The following CACNA2D1 variants were observed in gnomAD, a reference collection of about 807,000 sequenced individuals.
CACNA2D1 encodes the protein voltage-dependent calcium channel subunit alpha-2/delta-1.
CACNA2D1 carries 53 observed loss-of-function variants against 171.5 expected under a neutral mutation model. The ratio of observed to expected loss-of-function variants is 0.31; its 90% CI spans 0.25 to 0.39. The LOEUF (loss-of-function observed/expected upper bound fraction) is 0.39, where lower values mean the gene tolerates loss of function less well. Among genes scored for constraint, CACNA2D1 ranks in the 10% least tolerant of loss-of-function variants. The pLI is 1.00. For missense variants in CACNA2D1, 903 were observed against 1,299.8 expected (o/e 0.69, Z 4.69); for synonymous variants, 442 against 443.1 (o/e 1.00, Z 0.03).
At position 82,116,804 on chromosome 7, in the gene CACNA2D1, A is replaced by G. The variant is rs181754633; in HGVS notation, c.526+240T>C. The stretch of plus-strand genomic sequence containing the variant: ...AGAATTATTTACCAAACATTAAGTT[A>G]GAAGGACCACTCCATGGATGCAGGC... On this transcript the variant is annotated intron_variant, in intron 6 of 38. Coordinates refer to ENST00000356860, the MANE Select transcript of CACNA2D1 (RefSeq NM_000722.4). Among the ~76,000 whole-genome samples the G allele has an allele frequency of 2.5e-3, 379 of 152,352 alleles. 5 individuals are homozygous for G. The South Asian group carries it at 0.028, about 11-fold the overall frequency.
At chr7:81,994,568 A>G (rs983131330) in intron 20 of CACNA2D1, among the ~76,000 whole-genome samples, 4 of 152,110 alleles carry the variant, frequency 2.6e-5, no homozygotes, top group African/African-American at 9.6e-5. Context: ...TATATTGTGT[A>G]TTCTATTTCT....
chr7:82,424,824 A>G (rs895392003), intron 1 of CACNA2D1, among the ~76,000 whole-genome samples: 1 of 152,242 alleles, frequency 6.6e-6, no homozygotes, highest in Non-Finnish European at 1.5e-5. Context: ...TGAAGGCAAA[A>G]GAGTGATGGG....
At chr7:82,208,334 T>G (rs1005065348) in intron 3 of CACNA2D1, among the ~76,000 whole-genome samples, 1 of 152,186 alleles carries the variant, frequency 6.6e-6, no homozygotes, top group Non-Finnish European at 1.5e-5. Context: ...CGACTTGATA[T>G]CATTAATAGT....
intron 4 of CACNA2D1, among the ~76,000 whole-genome samples, chr7:82,137,719 A>AAAAAAAC (rs1791821998): frequency 6.8e-6 from 1 of 147,188 alleles, no homozygotes; most frequent in Non-Finnish European, 1.5e-5. Flanking sequence ...AAAAAAAAAA[A>AAAAAAAC]AAAAAAAAAA....
rs1252527272 is a variant in CACNA2D1 at position 81,971,882 on chromosome 7, C to A, written c.2054-18G>T. 1.4e-6 allele frequency: 2 copies of A among 1,424,292 alleles called. No individual in the cohort carries two copies. The highest frequency in any genetic ancestry group is 1.7e-5 in the Admixed American group (1 of 59,478). 88.2% of individuals were successfully genotyped at this position (1,424,292 alleles called of 1,614,324 possible). A position where few individuals can be genotyped will look rare whatever the true frequency, so the allele number is the denominator to read the frequency against. On this transcript the variant is annotated intron_variant, in intron 25 of 38. Coordinates refer to ENST00000356860, the MANE Select transcript of CACNA2D1 (RefSeq NM_000722.4). ...CGCGTTACCTAACACAGAAAAAGAT[C>A]ATCAGTTACACTCACATTTCTAAAA...
rs183147335 is a variant in CACNA2D1 at position 82,196,166 on chromosome 7, A to C, written c.295-25557T>G. The stretch of plus-strand genomic sequence containing the variant: ...TAGCTTCAAAGTAGAAGATTAGCTA[A>C]GGTTAGAACTAGATTTTGGAACCAT... On this transcript the variant is annotated intron_variant, in intron 3 of 38. Transcript: ENST00000356860. Among the ~76,000 whole-genome samples the C allele has an allele frequency of 1.5e-3, 226 of 152,198 alleles. 3 individuals are homozygous for C. The highest frequency in any genetic ancestry group is 5.2e-3 in the African/African-American group (217 of 41,556).
intron 3 of CACNA2D1, among the ~76,000 whole-genome samples, chr7:82,321,337 T>G (rs865813362): frequency 2.0e-5 from 3 of 152,004 alleles, no homozygotes; most frequent in African/African-American, 7.3e-5. Flanking sequence ...AGGTGGAGGT[T>G]GCAGTGGGCC....
At chr7:82,252,709 G>A (rs1805799166) in intron 3 of CACNA2D1, among the ~76,000 whole-genome samples, 1 of 152,062 alleles carries the variant, frequency 6.6e-6, no homozygotes. Flanking sequence ...GGCCAACATG[G>A]TGAAACCCTG....
intron 1 of CACNA2D1, among the ~76,000 whole-genome samples, chr7:82,389,045 G>C (rs1471275810): frequency 6.6e-6 from 1 of 151,450 alleles, no homozygotes; most frequent in African/African-American, 2.4e-5. Flanking sequence ...TAACCTGGGA[G>C]GTGGAGGTTG....
intron 3 of CACNA2D1, among the ~76,000 whole-genome samples, chr7:82,317,039 T>C (rs2129436058): frequency 6.6e-6 from 1 of 152,242 alleles, no homozygotes; most frequent in South Asian, 2.1e-4. Flanking sequence ...TGTACAAATG[T>C]CATCAAAGCC....
intron 18 of CACNA2D1, chr7:82,001,686 A>AAT: frequency 7.9e-7 from 1 of 1,270,148 alleles, no homozygotes; most frequent in Non-Finnish European, 1.0e-6. Context: ...TTTTTCTTAA[A>AAT]TTAATTGTTG....
rs757450961 is a variant in CACNA2D1, at chr7:82,332,510, TAAAGAAAGAAAG to T, written c.294+2613_294+2624del. On this transcript the variant is annotated intron_variant, in intron 3 of 38. Transcript: ENST00000356860. ...GAAGCATAGAAATAAAAAAGAAATA[TAAAGAAAGAAAG>T]AAAGAAAGAAAGAAAGAAAGAAAGA... 1.3e-3 allele frequency among the ~76,000 whole-genome samples: 121 copies of T among 92,652 alleles called. 1 individual carries two copies. The highest frequency in any genetic ancestry group is 4.0e-3 in the South Asian group (10 of 2,526). The allele number at this position is 92,652 out of a possible 152,430, so 60.8% of individuals were successfully genotyped here. A position where few individuals can be genotyped will look rare whatever the true frequency, so the allele number is the denominator to read the frequency against.
chr7:82,129,606 C>T (rs1347383048), intron 5 of CACNA2D1, among the ~76,000 whole-genome samples: 1 of 152,126 alleles, frequency 6.6e-6, no homozygotes, highest in East Asian at 1.9e-4. Context: ...ATCATTGACT[C>T]TTTCTTTGGG....
intron 1 of CACNA2D1, among the ~76,000 whole-genome samples, chr7:82,423,048 T>C (rs903981373): frequency 1.3e-5 from 2 of 152,138 alleles, no homozygotes; most frequent in Admixed American, 1.3e-4. Context: ...AAACTTTTAA[T>C]TGCCTTTTGC....
intron 3 of CACNA2D1, among the ~76,000 whole-genome samples, chr7:82,292,278 A>G (rs1221323838): frequency 6.6e-6 from 1 of 152,208 alleles, no homozygotes; most frequent in Non-Finnish European, 1.5e-5. Flanking sequence ...CCTTGGAGAC[A>G]TAAGTCCTGG....
chr7:82,213,742 A>G (rs1800803792), intron 3 of CACNA2D1, among the ~76,000 whole-genome samples: 1 of 152,122 alleles, frequency 6.6e-6, no homozygotes, highest in Non-Finnish European at 1.5e-5. Flanking sequence ...CTGACTTGTC[A>G]CGCTGAAATT....
In CACNA2D1 at chr7:82,361,522, A is replaced by G. The variant is rs1180991751; in HGVS notation, c.96-11873T>C. Among the ~76,000 whole-genome samples the G allele has an allele frequency of 3.9e-5, 6 of 152,282 alleles. No homozygotes were observed. In the South Asian group the frequency reaches 1.2e-3, roughly 32 times the overall value. ...TAATTTGAATTGTTAAATGTTTCAA[A>G]TTATGAAACATTTGCTAATGTTTAA... On this transcript the variant is annotated intron_variant, in intron 1 of 38. Coordinates refer to ENST00000356860, the MANE Select transcript of CACNA2D1 (RefSeq NM_000722.4).
intron 18 of CACNA2D1, chr7:82,001,665 A>G (rs962457906): frequency 6.4e-6 from 8 of 1,241,516 alleles, no homozygotes; most frequent in Admixed American, 4.3e-5. Context: ...TTACCTGGAT[A>G]TTGGGTCTCC....
chr7:82,114,854 T>A (rs770600805), intron 6 of CACNA2D1, among the ~76,000 whole-genome samples: 1 of 151,952 alleles, frequency 6.6e-6, no homozygotes, highest in Non-Finnish European at 1.5e-5. Context: ...GGCACACTGG[T>A]TTTGGCTTTA....
Sources: gnomAD v4.1 joint callset for allele counts (sites outside exome capture counted in the v4.1 genomes callset) on GRCh38, gnomAD v4.1.1 for gene constraint, MANE v1.5 for transcripts, NCBI Gene and HGNC (gene_info 2026-07-23, HGNC 2026-07-21) for gene names.